PLCL1: variants seen among roughly 807,000 people sequenced by gnomAD.
PLCL1 encodes inactive phospholipase C-like protein 1.
A neutral mutation model predicts 84.4 loss-of-function variants in PLCL1; 41 were observed. The ratio of observed to expected loss-of-function variants is 0.49; its 90% CI spans 0.38 to 0.63. PLCL1 has a LOEUF of 0.63. Among genes scored for constraint, PLCL1 ranks in the 30% least tolerant of loss-of-function variants. The pLI, the probability that PLCL1 is intolerant of heterozygous loss-of-function variation, is 0.00. For synonymous variants in PLCL1, 490 were observed against 488.3 expected (o/e 1.00, Z -0.05); for missense variants, 1,206 against 1,367.8 (o/e 0.88, Z 1.87).
chr2:197,966,403 A>G (rs1449769060), intron 1 of PLCL1, among the ~76,000 whole-genome samples: 1 of 152,126 alleles, frequency 6.6e-6, no homozygotes, highest in Non-Finnish European at 1.5e-5. Context: ...AGCCAGGGTG[A>G]TAAGCCTTGC....
At chr2:198,109,321 C>T (rs1377759783) in intron 5 of PLCL1, among the ~76,000 whole-genome samples, 1 of 151,778 alleles carries the variant, frequency 6.6e-6, no homozygotes, top group Non-Finnish European at 1.5e-5. Context: ...CTAGTTCCCT[C>T]CAGCCCTTTT....
At chr2:198,135,751 T>C (rs1351258324) in intron 5 of PLCL1, among the ~76,000 whole-genome samples, 1 of 152,200 alleles carries the variant, frequency 6.6e-6, no homozygotes, top group Non-Finnish European at 1.5e-5. Flanking sequence ...TCTTCAGAAA[T>C]AAAACAGGTC....
At chr2:197,944,963 C>T (rs1689242662) in intron 1 of PLCL1, among the ~76,000 whole-genome samples, 1 of 152,104 alleles carries the variant, frequency 6.6e-6, no homozygotes. Flanking sequence ...AAAGAAGTAA[C>T]AAGAGCAAAA....
At chr2:198,080,648 C>A (rs1288992345) in intron 1 of PLCL1, among the ~76,000 whole-genome samples, 3 of 152,192 alleles carry the variant, frequency 2.0e-5, no homozygotes, top group African/African-American at 7.2e-5. Context: ...GACAACTGAA[C>A]CTTTTCCAGC....
At chr2:197,888,674 C>T (rs1687962900) in intron 1 of PLCL1, among the ~76,000 whole-genome samples, 1 of 152,306 alleles carries the variant, frequency 6.6e-6, no homozygotes, top group South Asian at 2.1e-4. Flanking sequence ...TATTACTGAA[C>T]TATCTTGCAT....
chr2:198,007,743 TCA>T (rs1690763737), intron 1 of PLCL1, among the ~76,000 whole-genome samples: 4 of 152,194 alleles, frequency 2.6e-5, no homozygotes, highest in Non-Finnish European at 4.4e-5. Flanking sequence ...AAGCATTTGT[TCA>T]GATTCCAGCT....
intron 1 of PLCL1, among the ~76,000 whole-genome samples, chr2:197,903,888 C>T (rs1342473471): frequency 5.3e-5 from 8 of 150,464 alleles, no homozygotes; most frequent in East Asian, 2.0e-4. Context: ...CTGCAATCTC[C>T]GCCTCCTGGG....
At chr2:198,027,363 T>C (rs1691294651) in intron 1 of PLCL1, among the ~76,000 whole-genome samples, 1 of 151,996 alleles carries the variant, frequency 6.6e-6, no homozygotes, top group South Asian at 2.1e-4. Flanking sequence ...AATGGAGGAA[T>C]TGGGGAGATG....
At chr2:197,864,077 G>A (rs1441068258) in intron 1 of PLCL1, among the ~76,000 whole-genome samples, 1 of 152,072 alleles carries the variant, frequency 6.6e-6, no homozygotes, top group Admixed American at 6.6e-5. Context: ...CATGTCCCTG[G>A]TCACCTCTTA....
At chr2:198,120,018 G>A (rs957214334) in intron 5 of PLCL1, among the ~76,000 whole-genome samples, 1 of 151,868 alleles carries the variant, frequency 6.6e-6, no homozygotes, top group Non-Finnish European at 1.5e-5. Flanking sequence ...TCTTCATATT[G>A]GGCGTTGTGT....
At chr2:197,854,101 G>A (rs1010250713) in intron 1 of PLCL1, among the ~76,000 whole-genome samples, 5 of 152,264 alleles carry the variant, frequency 3.3e-5, no homozygotes, top group African/African-American at 9.6e-5. Flanking sequence ...TAGCTTGTGA[G>A]TTCAGAGGTT....
intron 1 of PLCL1, among the ~76,000 whole-genome samples, chr2:198,020,795 A>G (rs184796107): frequency 1.3e-3 from 200 of 152,316 alleles, no homozygotes; most frequent in African/African-American, 4.4e-3. Context: ...ACACAGTACT[A>G]GTGGGAGACT....
In PLCL1 at chr2:198,101,416, T is replaced by C. The variant is rs1464700021; in HGVS notation, c.2995+56T>C. ...TTTTTTCTATTTTGTTTGGAAACTA[T>C]AATAATTCTTGGTAGATTTTTTTTT... On this transcript the variant is annotated intron_variant, in intron 4 of 5. Coordinates refer to ENST00000428675, the MANE Select transcript of PLCL1 (RefSeq NM_006226.4). 3.1e-5 allele frequency: 30 copies of C among 959,066 alleles called. No individual in the cohort carries two copies. The East Asian group carries it at 5.3e-4, about 17-fold the overall frequency. The allele number at this position is 959,066 out of a possible 1,614,324, so 59.4% of individuals were successfully genotyped here.
At chr2:197,812,438 C>G (rs1690606273) in intron 1 of PLCL1, among the ~76,000 whole-genome samples, 1 of 152,186 alleles carries the variant, frequency 6.6e-6, no homozygotes, top group African/African-American at 2.4e-5. Flanking sequence ...GTTCCATTTT[C>G]TCCACAACTT....
In PLCL1 at chr2:198,147,052, C is replaced by A; in HGVS notation, c.*90C>A. 1 of 1,054,396 alleles carries A rather than the reference C, an allele frequency of 9.5e-7. No individual in the cohort carries two copies. The highest frequency in any genetic ancestry group is 1.3e-6 in the Non-Finnish European group (1 of 743,250). 65.3% of individuals were successfully genotyped at this position (1,054,396 alleles called of 1,614,324 possible). A position where few individuals can be genotyped will look rare whatever the true frequency, so the allele number is the denominator to read the frequency against. ...TTTCTTTAAATGTTTTATAAGTTCA[C>A]AAAATGGTGCCCTATATGGGGTATT... On this transcript the variant is annotated 3_prime_UTR_variant, in exon 6 of 6. Transcript: ENST00000428675.
At chr2:197,885,194 T>C (rs1559034883) in intron 1 of PLCL1, among the ~76,000 whole-genome samples, 1 of 152,188 alleles carries the variant, frequency 6.6e-6, no homozygotes, top group African/African-American at 2.4e-5. Context: ...AGATAATCAA[T>C]TGGTTTTTTA....
intron 1 of PLCL1, among the ~76,000 whole-genome samples, chr2:197,996,997 G>A (rs1342833462): frequency 1.3e-5 from 2 of 152,124 alleles, no homozygotes; most frequent in Non-Finnish European, 2.9e-5. Context: ...GGCGGGAGAG[G>A]GAAGGAGAGA....
intron 1 of PLCL1, among the ~76,000 whole-genome samples, chr2:197,951,568 C>T (rs1689389874): frequency 6.6e-6 from 1 of 152,160 alleles, no homozygotes; most frequent in African/African-American, 2.4e-5. Flanking sequence ...GTGAGAAGGT[C>T]AGACTGTGGA....
At chr2:197,852,406 G>C (rs79684738) in intron 1 of PLCL1, among the ~76,000 whole-genome samples, 2,261 of 152,250 alleles carry the variant, frequency 0.015, 64 homozygotes, top group African/African-American at 0.052. Flanking sequence ...GTTTGCTACA[G>C]CTTGTAAAAA....
Sources: allele counts gnomAD v4.1 joint callset (sites outside exome capture counted in the v4.1 genomes callset), GRCh38; gene constraint gnomAD v4.1.1; transcripts MANE v1.5; gene names NCBI Gene and HGNC (gene_info 2026-07-23, HGNC 2026-07-21).